Variants in TENM3 observed in about 807,000 individuals in gnomAD.
The protein encoded by TENM3 is teneurin-3.
Under a neutral mutation model 255.1 loss-of-function variants are expected in TENM3, and 63 were observed. That is an observed-to-expected ratio of 0.25 (90% CI 0.20 to 0.30). The LOEUF is 0.30. Among genes scored for constraint, TENM3 ranks in the 10% least tolerant of loss-of-function variants. The pLI is 1.00. For missense variants in TENM3, 2,929 were observed against 3,461.1 expected (o/e 0.85, Z 3.86); for synonymous variants, 1,306 against 1,322.3 (o/e 0.99, Z 0.27).
At chr4:182,022,218 C>T in the TENM3 span, among the ~76,000 whole-genome samples, 1 of 151,914 alleles carries the variant, frequency 6.6e-6, no homozygotes, top group Non-Finnish European at 1.5e-5. Flanking sequence ...TGCTATGCAG[C>T]CACAAACAGA....
At chr4:182,433,854 G>A (rs754630119) in intron 3 of TENM3, among the ~76,000 whole-genome samples, 11 of 152,070 alleles carry the variant, frequency 7.2e-5, no homozygotes, top group Non-Finnish European at 1.3e-4. Flanking sequence ...GATGGCTCAT[G>A]CCTGTAATCC....
the TENM3 span, among the ~76,000 whole-genome samples, chr4:181,919,883 C>T: frequency 9.1e-6 from 1 of 109,398 alleles, no homozygotes; most frequent in Non-Finnish European, 1.8e-5. Context: ...TCCCTCCCCC[C>T]TCCCCCCACC....
the TENM3 span, among the ~76,000 whole-genome samples, chr4:181,504,819 A>G: frequency 2.0e-5 from 3 of 152,154 alleles, no homozygotes; most frequent in African/African-American, 4.8e-5. Context: ...AGAAATCAAG[A>G]CAATCCCCGA....
chr4:182,029,210 T>C, the TENM3 span, among the ~76,000 whole-genome samples: 1 of 151,726 alleles, frequency 6.6e-6, no homozygotes, highest in Non-Finnish European at 1.5e-5. Flanking sequence ...GCAGGGGAGG[T>C]ACTAAACCAT....
intron 1 of TENM3, among the ~76,000 whole-genome samples, chr4:182,300,581 G>A (rs1230775867): frequency 6.6e-6 from 1 of 152,184 alleles, no homozygotes; most frequent in Non-Finnish European, 1.5e-5. Context: ...GGGAGGTAGG[G>A]ATCCACTCCA....
chr4:181,493,038 A>T, the TENM3 span, among the ~76,000 whole-genome samples: 1 of 152,048 alleles, frequency 6.6e-6, no homozygotes, highest in East Asian at 1.9e-4. Context: ...AAAAATTTGG[A>T]ATGAAGAATA....
intron 1 of TENM3, among the ~76,000 whole-genome samples, chr4:182,256,122 T>G (rs1758380539): frequency 6.6e-6 from 1 of 152,238 alleles, no homozygotes; most frequent in Non-Finnish European, 1.5e-5. Context: ...AATGATGATG[T>G]TCTTCACTTC....
At chr4:181,802,527 C>G in the TENM3 span, among the ~76,000 whole-genome samples, 1 of 152,054 alleles carries the variant, frequency 6.6e-6, no homozygotes, top group Non-Finnish European at 1.5e-5. Flanking sequence ...TTTTAAATAA[C>G]TAGTTTGTAG....
rs374442920 is a variant in TENM3, at chr4:182,246,970, G to A, written c.-76+3494G>A. On this transcript the variant is annotated intron_variant, in intron 1 of 27. Transcript: ENST00000511685. ...GGATCACGAGGGATGCCTCTCTGCGGAGGCGATGCCCACATCGAAGCTCTC... is the reference window on the plus strand; with the variant it reads ...GGATCACGAGGGATGCCTCTCTGCGAAGGCGATGCCCACATCGAAGCTCTC... Among the ~76,000 whole-genome samples, 744 of 152,356 alleles carry A rather than the reference G, an allele frequency of 4.9e-3. 7 individuals carry two copies. Among genetic ancestry groups the A allele is most frequent in the African/African-American group, 0.017 (705 of 41,588 alleles).
chr4:182,126,164 G>C, the TENM3 span, among the ~76,000 whole-genome samples: 3 of 151,954 alleles, frequency 2.0e-5, no homozygotes, highest in African/African-American at 7.3e-5. Context: ...TTTTCGAGTG[G>C]CATTTTCTGA....
chr4:181,520,795 G>A, the TENM3 span, among the ~76,000 whole-genome samples: 1 of 152,094 alleles, frequency 6.6e-6, no homozygotes, highest in South Asian at 2.1e-4. Flanking sequence ...GTAGACTCTT[G>A]TCTGTCCATG....
the TENM3 span, among the ~76,000 whole-genome samples, chr4:182,066,714 T>G: frequency 6.6e-6 from 1 of 151,430 alleles, no homozygotes; most frequent in East Asian, 1.9e-4. Context: ...ATCGAGACCG[T>G]CCTGGCTAAC....
the TENM3 span, among the ~76,000 whole-genome samples, chr4:181,910,630 ATGTG>A: frequency 1.0e-2 from 935 of 93,820 alleles, 11 homozygotes; most frequent in African/African-American, 0.032. Flanking sequence ...GTGTGTGTGT[ATGTG>A]TGTGTGTGTG....
Position 182,680,244 on chromosome 4 carries a change from T to G in TENM3, c.1538-4T>G. 7 of 1,606,852 alleles carry G rather than the reference T, an allele frequency of 4.4e-6. No individual in the cohort carries two copies. The highest frequency in any genetic ancestry group is 6.0e-6 in the Non-Finnish European group (7 of 1,173,602). On this transcript the variant is annotated splice_polypyrimidine_tract_variant and splice_region_variant and intron_variant, in intron 8 of 27. Transcript: ENST00000511685. Reference sequence around the variant, plus strand: ...CAAGTGTTCCTTCTTTCCTTTTTCTTCAGAGTCTGTGGTGGAATGTCCCCG... The same window carrying G: ...CAAGTGTTCCTTCTTTCCTTTTTCTGCAGAGTCTGTGGTGGAATGTCCCCG...
At chr4:182,650,392 A>G (rs1182344366) in intron 5 of TENM3, among the ~76,000 whole-genome samples, 1 of 150,404 alleles carries the variant, frequency 6.6e-6, no homozygotes, top group Non-Finnish European at 1.5e-5. Context: ...AGTGGCAGCA[A>G]ATGCTTTTCC....
intron 3 of TENM3, among the ~76,000 whole-genome samples, chr4:182,372,726 T>G (rs1238916258): frequency 6.6e-6 from 1 of 152,084 alleles, no homozygotes; most frequent in African/African-American, 2.4e-5. Context: ...CATTGATAAT[T>G]TTGACAGATT....
the TENM3 span, among the ~76,000 whole-genome samples, chr4:182,105,383 A>G: frequency 6.6e-6 from 1 of 152,156 alleles, no homozygotes; most frequent in African/African-American, 2.4e-5. Context: ...TACTCACTTT[A>G]AAAGGAATAG....
intron 23 of TENM3, chr4:182,773,968 A>T (rs1249975842): frequency 5.2e-6 from 1 of 193,712 alleles, no homozygotes; most frequent in Non-Finnish European, 1.0e-5. Flanking sequence ...AGGTCTTCTG[A>T]CCGCCATCTA....
the TENM3 span, among the ~76,000 whole-genome samples, chr4:181,521,057 T>C: frequency 6.6e-6 from 1 of 152,168 alleles, no homozygotes; most frequent in Non-Finnish European, 1.5e-5. Context: ...GCAATACAGC[T>C]CTCCTCAATG....
Sources: allele counts gnomAD v4.1 joint callset (sites outside exome capture counted in the v4.1 genomes callset), GRCh38; gene constraint gnomAD v4.1.1; transcripts MANE v1.5; gene names NCBI Gene and HGNC (gene_info 2026-07-23, HGNC 2026-07-21).